The following PROCR variants were observed in gnomAD, a reference collection of about 807,000 sequenced individuals.
PROCR encodes endothelial protein C receptor.
A neutral mutation model predicts 24.2 loss-of-function variants in PROCR; 22 were observed. The observed-to-expected ratio is 0.91, with a 90% CI of 0.65 to 1.30. The LOEUF is 1.30. PROCR is among the 50% of genes most tolerant of loss of function. PROCR has a pLI of 0.00. For missense variants in PROCR, 288 were observed against 307.7 expected (o/e 0.94, Z 0.48); for synonymous variants, 137 against 139.2 (o/e 0.98, Z 0.11).
intron 1 of PROCR, among the ~76,000 whole-genome samples, chr20:35,207,403 T>C (rs1013438392): frequency 6.6e-6 from 1 of 151,444 alleles, no homozygotes; most frequent in Non-Finnish European, 1.5e-5. Context: ...TATATATATA[T>C]ATATATATAT....
At chr20:35,180,508 G>A (rs1423474142), downstream of PROCR, among the ~76,000 whole-genome samples, 1 of 152,108 alleles carries the variant, frequency 6.6e-6, no homozygotes, top group Non-Finnish European at 1.5e-5. Flanking sequence ...GGCTAGCCAG[G>A]GCTGGAAATA....
rs143131229 is a variant in PROCR at position 35,176,802 on chromosome 20, C to T, written c.706C>T (p.Arg236Trp). ...AGGCATCTTCCTGTGCACAGGTGGA[C>T]GGCGATGTTAATTACTCTCCAGCCC... Reference protein sequence around the residue: ...AVGIFLCTGGRRC With the variant: ...AVGIFLCTGGWRC The change falls in exon 4 of 4, where the codon CGG becomes TGG. Residue 236 changes from arginine (R) to tryptophan (W), a missense_variant. Arg to Trp is a moderately radical substitution (Grantham distance 101). Coordinates refer to ENST00000216968, the MANE Select transcript of PROCR (RefSeq NM_006404.5). 4.3e-6 allele frequency: 7 copies of T among 1,613,832 alleles called. No individual in the cohort carries two copies. The highest frequency in any genetic ancestry group is 5.9e-6 in the Non-Finnish European group (7 of 1,179,940).
chr20:35,175,577 C>CTTTTTTTTTT (rs1284592742), intron 2 of PROCR, among the ~76,000 whole-genome samples: 9 of 51,286 alleles, frequency 1.8e-4, no homozygotes, highest in African/African-American at 6.4e-4. Flanking sequence ...ACCCCACCCC[C>CTTTTTTTTTT]CTTTTTTTTT....
intron 2 of PROCR, among the ~76,000 whole-genome samples, 172 bp downstream of exon 2, chr20:35,175,125 A>C (rs954237879): frequency 5.3e-5 from 8 of 151,526 alleles, no homozygotes; most frequent in African/African-American, 1.9e-4. Flanking sequence ...GGGGCTGGAG[A>C]GAGGCAGTTG....
chr20:35,188,835 C>A (rs1403775015), intron 1 of PROCR, among the ~76,000 whole-genome samples: 1 of 152,166 alleles, frequency 6.6e-6, no homozygotes, highest in African/African-American at 2.4e-5. Flanking sequence ...GGACCCCGAA[C>A]AGAGGGACCT....
downstream of PROCR, among the ~76,000 whole-genome samples, chr20:35,181,461 G>C (rs2086078640): frequency 6.6e-6 from 1 of 151,608 alleles, no homozygotes; most frequent in African/African-American, 2.4e-5. Context: ...TTTTAGTAGT[G>C]ACGGGGTTTC....
At chr20:35,192,673 C>T (rs1217198823) in intron 1 of PROCR, among the ~76,000 whole-genome samples, 1 of 152,096 alleles carries the variant, frequency 6.6e-6, no homozygotes, top group Non-Finnish European at 1.5e-5. Context: ...GACTTTCCCC[C>T]CACCTCCCTC....
chr20:35,186,471 C>A (rs534742527), intron 1 of PROCR, among the ~76,000 whole-genome samples: 4 of 148,854 alleles, frequency 2.7e-5, no homozygotes, highest in Non-Finnish European at 5.9e-5. Flanking sequence ...GAGGCTGAGG[C>A]GGGAGAATCA....
Position 35,174,795 on chromosome 20 carries a change from CGCACGT to C in PROCR, c.167_172del (p.His56_Val57del). ...AACGCGTCGCTGGGGGGACACCTAA[CGCACGT>C]GCTGGAAGGCCCAGACACCAACACC... On this transcript the variant is annotated inframe_deletion, in exon 2 of 4. Coordinates refer to ENST00000216968, the MANE Select transcript of PROCR (RefSeq NM_006404.5). The C allele has an allele frequency of 6.2e-7, 1 of 1,614,116 alleles. No homozygotes were observed. The highest frequency in any genetic ancestry group is 8.5e-7 in the Non-Finnish European group (1 of 1,180,000).
intron 1 of PROCR, chr20:35,174,325 G>C (rs968972445): frequency 8.8e-6 from 3 of 339,040 alleles, no homozygotes; most frequent in African/African-American, 6.4e-5. Flanking sequence ...TCCTGAATCA[G>C]GGCAGTGGAA....
At chr20:35,178,806 C>T (rs1402722477), downstream of PROCR, among the ~76,000 whole-genome samples, 4 of 149,156 alleles carry the variant, frequency 2.7e-5, no homozygotes, top group Admixed American at 6.7e-5. Flanking sequence ...TGAGCCACCG[C>T]GCCCGGCCTA....
rs543395862 is a variant in PROCR at position 35,199,662 on chromosome 20, C to T, written c.95-16231C>T. 3.3e-5 allele frequency among the ~76,000 whole-genome samples: 5 copies of T among 151,478 alleles called. No homozygotes were observed. The East Asian group carries it at 5.8e-4, about 18-fold the overall frequency. ...TACTTGGGAGGCTGAGCAGGAGAAT[C>T]GCTTGAACCTGCGAGTCAGAGGTTG... is the stretch of plus-strand genomic sequence containing the variant. On this transcript the variant is annotated intron_variant, in intron 1 of 1. Transcript: ENST00000634509.
chr20:35,174,032 TC>T (rs1216471062), intron 1 of PROCR, among the ~76,000 whole-genome samples: 1 of 152,202 alleles, frequency 6.6e-6, no homozygotes, highest in East Asian at 1.9e-4. Context: ...TGTCTCAGTT[TC>T]CCATGTAGAC....
chr20:35,200,749 C>T (rs994350823), intron 1 of PROCR, among the ~76,000 whole-genome samples: 19 of 152,108 alleles, frequency 1.2e-4, no homozygotes, highest in African/African-American at 4.6e-4. Flanking sequence ...TGGGTTCCAG[C>T]GATTCTCCTG....
At chr20:35,178,508 T>TTTTGTTTTG (rs1491460051), downstream of PROCR, among the ~76,000 whole-genome samples, 5 of 5,704 alleles carry the variant, frequency 8.8e-4, no homozygotes, top group African/African-American at 1.7e-3. Flanking sequence ...CAAGTCTCAG[T>TTTTGTTTTG]TTTTTTTTTT....
intron 1 of PROCR, among the ~76,000 whole-genome samples, chr20:35,185,493 C>T (rs1384231499): frequency 6.6e-6 from 1 of 152,142 alleles, no homozygotes; most frequent in Non-Finnish European, 1.5e-5. Flanking sequence ...CCCAAATGCC[C>T]ATCAATCAAT....
At chr20:35,173,476 C>T (rs1429215879) in intron 1 of PROCR, among the ~76,000 whole-genome samples, 1 of 129,336 alleles carries the variant, frequency 7.7e-6, no homozygotes, top group African/African-American at 3.0e-5. Flanking sequence ...GTCACCCAGG[C>T]TGGAATGCAG....
chr20:35,175,578 C>CCTTTTT (rs2086005872), intron 2 of PROCR, among the ~76,000 whole-genome samples: 3 of 27,942 alleles, frequency 1.1e-4, no homozygotes, highest in Non-Finnish European at 1.7e-4. Flanking sequence ...CCCCACCCCC[C>CCTTTTT]TTTTTTTTTT....
chr20:35,182,577 C>T (rs953712978), intron 1 of PROCR, among the ~76,000 whole-genome samples: 1 of 152,120 alleles, frequency 6.6e-6, no homozygotes, highest in South Asian at 2.1e-4. Flanking sequence ...AGGATATGAT[C>T]CTTCTCAAGG....
Sources: gnomAD v4.1 joint callset for allele counts (sites outside exome capture counted in the v4.1 genomes callset) on GRCh38, gnomAD v4.1.1 for gene constraint, MANE v1.5 for transcripts, NCBI Gene and HGNC (gene_info 2026-07-23, HGNC 2026-07-21) for gene names.